Variants in PLEKHG1 observed in about 807,000 individuals in gnomAD.
PLEKHG1 encodes pleckstrin homology domain-containing family G member 1.
Under a neutral mutation model 100.8 loss-of-function variants are expected in PLEKHG1, and 44 were observed. That is an observed-to-expected ratio of 0.44 (90% CI 0.34 to 0.56). The LOEUF (loss-of-function observed/expected upper bound fraction) is 0.56, where lower values mean the gene tolerates loss of function less well. PLEKHG1 is among the 20% of genes least tolerant of loss of function. PLEKHG1 has a pLI of 0.01. For synonymous variants in PLEKHG1, 640 were observed against 662.5 expected, an observed-to-expected ratio of 0.97 and a Z score of 0.52; for missense variants, 1,545 against 1,720.9, an observed-to-expected ratio of 0.90 and a Z score of 1.81.
chr6:150,765,036 T>C (rs1202992590), intron 2 of PLEKHG1, among the ~76,000 whole-genome samples: 1 of 152,190 alleles, frequency 6.6e-6, no homozygotes, highest in Non-Finnish European at 1.5e-5. Flanking sequence ...AAGGCTTGTA[T>C]AAATGAATGT....
chr6:150,731,132 G>A (rs952502716), intron 1 of PLEKHG1, among the ~76,000 whole-genome samples: 1 of 152,186 alleles, frequency 6.6e-6, no homozygotes, highest in South Asian at 2.1e-4. Context: ...CCAAACGTGA[G>A]TAAGCATCCT....
intron 2 of PLEKHG1, among the ~76,000 whole-genome samples, chr6:150,747,896 C>CAAA (rs753243349): frequency 8.2e-6 from 1 of 122,560 alleles, no homozygotes; most frequent in Non-Finnish European, 1.7e-5. Context: ...AACTCCGTCT[C>CAAA]AAAAAAAAAA....
intron 1 of PLEKHG1, among the ~76,000 whole-genome samples, chr6:150,605,084 C>T (rs1776536605): frequency 6.6e-6 from 1 of 152,160 alleles, no homozygotes; most frequent in Admixed American, 6.5e-5. Context: ...GACAGAGATG[C>T]CGTCACCTCC....
intron 2 of PLEKHG1, among the ~76,000 whole-genome samples, chr6:150,759,267 A>G (rs1287143665): frequency 6.6e-6 from 1 of 152,164 alleles, no homozygotes; most frequent in Non-Finnish European, 1.5e-5. Context: ...TGAAAACATG[A>G]AGGCAGTGGG....
intron 3 of PLEKHG1, among the ~76,000 whole-genome samples, chr6:150,668,183 C>T (rs1420824823): frequency 6.6e-6 from 1 of 152,176 alleles, no homozygotes; most frequent in African/African-American, 2.4e-5. Flanking sequence ...GTTGCTTGTG[C>T]TTGCCAAAAG....
intron 3 of PLEKHG1, among the ~76,000 whole-genome samples, chr6:150,773,015 G>A (rs779593746): frequency 2.0e-5 from 3 of 152,054 alleles, no homozygotes; most frequent in South Asian, 2.1e-4. Context: ...ATTGTATAAC[G>A]TGTAAGTTTG....
chr6:150,639,241 G>T (rs765252326), intron 2 of PLEKHG1, among the ~76,000 whole-genome samples: 18 of 152,122 alleles, frequency 1.2e-4, no homozygotes, highest in Non-Finnish European at 2.2e-4. Flanking sequence ...TAGAGGATGG[G>T]TATGTTTAAG....
chr6:150,736,005 A>T (rs939638676), intron 2 of PLEKHG1, among the ~76,000 whole-genome samples: 2 of 152,216 alleles, frequency 1.3e-5, no homozygotes, highest in African/African-American at 4.8e-5. Flanking sequence ...TTCTTTATTC[A>T]TGAATCAACT....
chr6:150,613,929 A>G (rs1776955513), intron 1 of PLEKHG1, among the ~76,000 whole-genome samples: 1 of 152,170 alleles, frequency 6.6e-6, no homozygotes, highest in Admixed American at 6.5e-5. Context: ...CCACACAATT[A>G]ACACCTCTAA....
chr6:150,715,370 C>T (rs145290469), intron 3 of PLEKHG1, among the ~76,000 whole-genome samples: 8 of 152,184 alleles, frequency 5.3e-5, no homozygotes, highest in East Asian at 1.9e-4. Flanking sequence ...GGTGTTAGTA[C>T]GTTAGCTCTT....
intron 2 of PLEKHG1, among the ~76,000 whole-genome samples, chr6:150,763,232 G>A (rs951156151): frequency 6.6e-5 from 10 of 151,748 alleles, no homozygotes; most frequent in African/African-American, 2.4e-4. Flanking sequence ...GTTTCACCAT[G>A]CTGGGCCAGG....
chr6:150,624,982 G>T (rs550698574), intron 1 of PLEKHG1: 1 of 152,302 alleles, frequency 6.6e-6, no homozygotes, highest in African/African-American at 2.4e-5. Flanking sequence ...CTTGAGGTCA[G>T]AAGTTTGAGA....
At chr6:150,826,047 C>T (rs902281398) in intron 14 of PLEKHG1, among the ~76,000 whole-genome samples, 3 of 151,822 alleles carry the variant, frequency 2.0e-5, no homozygotes, top group Non-Finnish European at 4.4e-5. Context: ...AGGGCGTGGT[C>T]GTGGGCGGCT....
intron 2 of PLEKHG1, among the ~76,000 whole-genome samples, chr6:150,647,574 C>A (rs1345094462): frequency 6.6e-6 from 1 of 151,992 alleles, no homozygotes; most frequent in Non-Finnish European, 1.5e-5. Flanking sequence ...TGTTCTTTGG[C>A]CAAAAGCAAT....
At chr6:150,816,326 CTTTTTTTTTTTTTTT>C (rs1173343082) in intron 10 of PLEKHG1, among the ~76,000 whole-genome samples, 10 of 41,106 alleles carry the variant, frequency 2.4e-4, no homozygotes, top group South Asian at 1.7e-3. Context: ...CTCAAACATA[CTTTTTTTTTTTTTTT>C]TTTTTTTTTT....
intron 5 of PLEKHG1, among the ~76,000 whole-genome samples, chr6:150,798,887 C>T (rs144375788): frequency 3.9e-5 from 6 of 152,248 alleles, no homozygotes; most frequent in African/African-American, 9.6e-5. Context: ...ATTACCGGCA[C>T]ATGCCACCAC....
chr6:150,784,170 A>G (rs1785476329), intron 3 of PLEKHG1, among the ~76,000 whole-genome samples: 1 of 152,224 alleles, frequency 6.6e-6, no homozygotes, highest in Non-Finnish European at 1.5e-5. Context: ...GAGAACTGCT[A>G]TCCAGATCAT....
intron 3 of PLEKHG1, among the ~76,000 whole-genome samples, chr6:150,660,520 A>T (rs6924408): frequency 0.015 from 2,277 of 152,280 alleles, 19 homozygotes; most frequent in Non-Finnish European, 0.025. Flanking sequence ...GGAGAGTCTG[A>T]TGGAGAGGAT....
At chr6:150,781,486 A>G (rs1562513568) in intron 3 of PLEKHG1, among the ~76,000 whole-genome samples, 1 of 151,684 alleles carries the variant, frequency 6.6e-6, no homozygotes, top group African/African-American at 2.4e-5. Context: ...GCCTGGGAGA[A>G]GATGCGAGAT....
Sources: allele counts gnomAD v4.1 joint callset (sites outside exome capture counted in the v4.1 genomes callset), GRCh38; gene constraint gnomAD v4.1.1; transcripts MANE v1.5; gene names NCBI Gene and HGNC (gene_info 2026-07-23, HGNC 2026-07-21).